Variants in ABCB7 observed in about 807,000 individuals in gnomAD.
ABCB7 encodes ATP binding cassette subfamily B member 7, also known as iron-sulfur clusters transporter ABCB7, mitochondrial.
In ABCB7, 7 loss-of-function variants were observed where a neutral mutation model predicts 54.4. The ratio of observed to expected loss-of-function variants is 0.13; its 90% CI spans 0.07 to 0.24. The LOEUF is 0.24. Ranked by LOEUF, ABCB7 falls within the 10% of genes least tolerant of loss-of-function variation. ABCB7 has a pLI of 1.00. For missense variants in ABCB7, 356 were observed against 570.4 expected (o/e 0.62, Z 3.83); for synonymous variants, 218 against 207.1 (o/e 1.05, Z -0.45).
rs751655681 is a variant in ABCB7, at chrX:75,118,344, T to C, written c.169-3513A>G. Among the ~76,000 whole-genome samples, 18 of 111,523 alleles carry C rather than the reference T, an allele frequency of 1.6e-4. No individual in the cohort carries two copies. In the East Asian group the frequency reaches 2.0e-3, roughly 12 times the overall value. ...CTGTGAAGTTACTTTTGGTAAAGTT[T>C]AAAAGCCAGAAATATCAGCCGGCTA... On this transcript the variant is annotated intron_variant, in intron 1 of 15. Coordinates refer to ENST00000373394, the MANE Select transcript of ABCB7 (RefSeq NM_001271696.3).
chrX:75,091,390 C>T (rs2081542950), intron 4 of ABCB7, among the ~76,000 whole-genome samples: 1 of 110,084 alleles, frequency 9.1e-6, no homozygotes, highest in Non-Finnish European at 1.9e-5. Context: ...TAACAAAATC[C>T]AACACCTATT....
chrX:75,137,693 A>C (rs1361961204), intron 1 of ABCB7, among the ~76,000 whole-genome samples: 4 of 112,563 alleles, frequency 3.6e-5, no homozygotes, highest in Non-Finnish European at 5.6e-5. Context: ...GGAATACCAC[A>C]TAGCCATAAA....
intron 3 of ABCB7, among the ~76,000 whole-genome samples, chrX:75,106,582 AT>A (rs1467029947): frequency 8.9e-6 from 1 of 112,138 alleles, no homozygotes; most frequent in Admixed American, 9.4e-5. Flanking sequence ...GGAAAACAGT[AT>A]GGAGATTTCT....
rs947719351 is a variant in ABCB7, at chrX:75,071,388, C to G, written c.1207+121G>C. 8 of 812,569 alleles carry G rather than the reference C, an allele frequency of 9.8e-6. No homozygotes were observed. In the African/African-American group the frequency reaches 1.6e-4, roughly 17 times the overall value. 67.0% of individuals were successfully genotyped at this position (812,569 alleles called of 1,213,427 possible). A position where few individuals can be genotyped will look rare whatever the true frequency, so the allele number is the denominator to read the frequency against. On this transcript the variant is annotated intron_variant, in intron 9 of 15. Coordinates refer to ENST00000373394, the MANE Select transcript of ABCB7 (RefSeq NM_001271696.3). The stretch of plus-strand genomic sequence containing the variant: ...ACATTCTGATACAGAGAAAAGTACT[C>G]CAAGGATGTGAAAGCACTTTAACAT...
intron 8 of ABCB7, among the ~76,000 whole-genome samples, chrX:75,072,014 T>C (rs1468664369): frequency 9.0e-6 from 1 of 111,324 alleles, no homozygotes; most frequent in Non-Finnish European, 1.9e-5. Context: ...CTCACAACAT[T>C]ATGCCTTCTT....
intron 13 of ABCB7, 46 bp from the exon 14 acceptor site, chrX:75,062,477 T>C (rs375246790): frequency 1.1e-5 from 11 of 970,103 alleles, no homozygotes; most frequent in Non-Finnish European, 2.9e-6. Context: ...TGCATGCATA[T>C]TTTATGTTTT....
At chrX:75,121,333 T>C (rs1417524445) in intron 1 of ABCB7, among the ~76,000 whole-genome samples, 1 of 110,340 alleles carries the variant, frequency 9.1e-6, no homozygotes, top group Non-Finnish European at 1.9e-5. Context: ...ATTATTCTTG[T>C]TGGACATTAT....
At chrX:75,075,321 A>T (rs760947136) in intron 6 of ABCB7, 41 bp downstream of exon 6, 2 of 1,188,451 alleles carry the variant, frequency 1.7e-6, no homozygotes, top group Non-Finnish European at 2.3e-6. Flanking sequence ...TACTAATGAG[A>T]ATTTAAGATA....
chrX:75,056,884 T>A (rs2081244829), intron 15 of ABCB7, among the ~76,000 whole-genome samples: 1 of 111,554 alleles, frequency 9.0e-6, no homozygotes, highest in African/African-American at 3.3e-5. Flanking sequence ...AACAATACAC[T>A]AGGTTCAAAT....
intron 3 of ABCB7, among the ~76,000 whole-genome samples, chrX:75,100,723 A>G (rs2081632249): frequency 8.9e-6 from 1 of 111,771 alleles, no homozygotes; most frequent in South Asian, 3.7e-4. Context: ...CAATTATTTG[A>G]TTAATATCCA....
chrX:75,147,373 T>C (rs1343798320), intron 1 of ABCB7, among the ~76,000 whole-genome samples: 2 of 112,006 alleles, frequency 1.8e-5, no homozygotes, highest in African/African-American at 6.5e-5. Context: ...TGCATGCGTA[T>C]GTTCATTGCA....
At chrX:75,153,048 T>C (rs1217329152) in intron 1 of ABCB7, among the ~76,000 whole-genome samples, 1 of 110,444 alleles carries the variant, frequency 9.1e-6, no homozygotes, top group Admixed American at 9.6e-5. Context: ...CTTATTTCTC[T>C]TGTAAGTTCT....
Position 75,153,414 on chromosome X carries a change from TATAGA to T in ABCB7, c.168+2686_168+2690del, listed in dbSNP as rs754638038. ...TAAATATGAACTAGAACCTCTAAAATATAGAATAGGAGGATTATTTCCCTAGTGTT... is the reference window on the plus strand; with the variant it reads ...TAAATATGAACTAGAACCTCTAAAATATAGGAGGATTATTTCCCTAGTGTT... On this transcript the variant is annotated intron_variant, in intron 1 of 15. Coordinates refer to ENST00000373394, the MANE Select transcript of ABCB7 (RefSeq NM_001271696.3). Among the ~76,000 whole-genome samples the T allele has an allele frequency of 4.5e-5, 5 of 111,169 alleles. No individual in the cohort carries two copies. The East Asian group carries it at 8.4e-4, about 19-fold the overall frequency.
chrX:75,075,558 T>C lies in ABCB7; in HGVS notation c.659A>G (p.Asn220Ser). 1.7e-6 allele frequency: 2 copies of C among 1,210,906 alleles called. No homozygotes were observed. The highest frequency in any genetic ancestry group is 2.2e-6 in the Non-Finnish European group (2 of 894,772). The change falls in exon 6 of 16, where the codon AAT becomes AGT. Residue 220 changes from asparagine to serine, a missense_variant. Around this residue, in one of 2 missense-constraint regions of ABCB7, gnomAD observed 241 missense variants for 470.9 expected, o/e 0.51. Transcript: ENST00000373394. ...ATTTTTGGCTATTCTTCGGATTGAA[T>C]TCTGGGCTACCTTGCCAAATACTGC... is the stretch of plus-strand genomic sequence containing the variant. ...RNAVFGKVAQ[N>S]SIRRIAKNVF...
intron 1 of ABCB7, among the ~76,000 whole-genome samples, chrX:75,144,045 A>G (rs2082073635): frequency 8.9e-6 from 1 of 111,732 alleles, no homozygotes; most frequent in African/African-American, 3.3e-5. Context: ...ATACAAGAAT[A>G]CTTGGTGACA....
chrX:75,109,857 C>T (rs1180085299), intron 3 of ABCB7, among the ~76,000 whole-genome samples: 21 of 111,483 alleles, frequency 1.9e-4, no homozygotes, highest in Admixed American at 1.8e-3. Context: ...AGGAAGAAAC[C>T]ACTTCAGTAC....
At chrX:75,122,861 GGTGTGTGT>G (rs58879235) in intron 1 of ABCB7, among the ~76,000 whole-genome samples, 4,183 of 93,119 alleles carry the variant, frequency 0.045, 98 homozygotes, top group Middle Eastern at 0.08. Context: ...TTAAAATTGG[GGTGTGTGT>G]GTGTGTGTGT....
rs2081663268 is a variant in ABCB7, at chrX:75,104,046, A to AGTTTTTTT, written c.334-4993_334-4986dup. ...AAAATGGGCATCCCTGTCTTGTTAC[A>AGTTTTTTT]GTTTTTTTTTTTTTTTTTTTTTTTT... On this transcript the variant is annotated intron_variant, in intron 3 of 15. Coordinates refer to ENST00000373394, the MANE Select transcript of ABCB7 (RefSeq NM_001271696.3). 1.5e-3 allele frequency among the ~76,000 whole-genome samples: 20 copies of AGTTTTTTT among 13,539 alleles called. 2 individuals are homozygous for AGTTTTTTT. Among genetic ancestry groups the AGTTTTTTT allele is most frequent in the African/African-American group, 4.2e-3 (20 of 4,723 alleles). 11.8% of individuals were successfully genotyped at this position (13,539 alleles called of 115,157 possible).
chrX:75,056,143 A>AT (rs1419326583), intron 15 of ABCB7, among the ~76,000 whole-genome samples: 1 of 111,576 alleles, frequency 9.0e-6, no homozygotes, highest in Non-Finnish European at 1.9e-5. Flanking sequence ...TTTTCAAGGT[A>AT]TTTTTTCTCT....
Sources: gnomAD v4.1 joint callset for allele counts (sites outside exome capture counted in the v4.1 genomes callset) on GRCh38, gnomAD v4.1.1 for gene constraint, gnomAD v4.1.1 regional missense constraint, MANE v1.5 for transcripts, NCBI Gene and HGNC (gene_info 2026-07-23, HGNC 2026-07-21) for gene names.